ANO10: variants seen among roughly 807,000 people sequenced by gnomAD.
ANO10 encodes anoctamin-10.
Under a neutral mutation model 74.7 loss-of-function variants are expected in ANO10, and 77 were observed. The ratio of observed to expected loss-of-function variants is 1.03; its 90% confidence interval spans 0.86 to 1.25. The LOEUF (loss-of-function observed/expected upper bound fraction) is 1.25. ANO10 is among the 50% of genes most tolerant of loss of function. The pLI, the probability that ANO10 is intolerant of heterozygous loss-of-function variation, is 0.00. For synonymous variants in ANO10, 279 were observed against 284.9 expected, an observed-to-expected ratio of 0.98 and a Z score of 0.21; for missense variants, 721 against 778.1, an observed-to-expected ratio of 0.93 and a Z score of 0.87.
intron 12 of ANO10, among the ~76,000 whole-genome samples, chr3:43,369,955 T>C (rs1160595414): frequency 6.6e-6 from 1 of 152,202 alleles, no homozygotes; most frequent in South Asian, 2.1e-4. Context: ...GAGCCACAGA[T>C]ACTCATTACC....
intron 11 of ANO10, among the ~76,000 whole-genome samples, chr3:43,483,992 A>T (rs769267237): frequency 1.3e-5 from 2 of 152,170 alleles, no homozygotes; most frequent in Non-Finnish European, 2.9e-5. Flanking sequence ...GCTGGAGTGC[A>T]GTGGTGCAAT....
intron 11 of ANO10, among the ~76,000 whole-genome samples, chr3:43,525,745 T>G (rs78674307): frequency 0.033 from 4,997 of 152,332 alleles, 111 homozygotes; most frequent in Non-Finnish European, 0.049. Flanking sequence ...AGCTGATGCA[T>G]TTTCAAAGAG....
Position 43,366,687 on chromosome 3 carries a change from G to A in ANO10, c.*219C>T. 1.6e-6 allele frequency: 1 copy of A among 613,132 alleles called. No individual in the cohort carries two copies. Among genetic ancestry groups the A allele is most frequent in the Non-Finnish European group, 2.9e-6 (1 of 341,844 alleles). The allele number at this position is 613,132 out of a possible 1,614,324, so 38.0% of individuals were successfully genotyped here. A position where few individuals can be genotyped will look rare whatever the true frequency, so the allele number is the denominator to read the frequency against. ...TGGGGCCCGGGAAGGAACTGGGAAG[G>A]AGCAGACAGGGTGGGGCTGGGGGAA... is the stretch of plus-strand genomic sequence containing the variant. On this transcript the variant is annotated 3_prime_UTR_variant, in exon 13 of 13. Transcript: ENST00000292246.
intron 12 of ANO10, among the ~76,000 whole-genome samples, chr3:43,408,035 G>A (rs1227719328): frequency 6.6e-6 from 1 of 152,188 alleles, no homozygotes; most frequent in African/African-American, 2.4e-5. Flanking sequence ...AACTGGAGTG[G>A]AGAGAAGAGA....
At chr3:43,486,416 A>G (rs1260286116) in intron 11 of ANO10, among the ~76,000 whole-genome samples, 1 of 151,242 alleles carries the variant, frequency 6.6e-6, no homozygotes, top group Non-Finnish European at 1.5e-5. Context: ...CATTTTCACA[A>G]TATTGATTCT....
At chr3:43,609,097 A>G (rs2082692930) in intron 1 of ANO10, among the ~76,000 whole-genome samples, 1 of 151,826 alleles carries the variant, frequency 6.6e-6, no homozygotes, top group Non-Finnish European at 1.5e-5. Context: ...TAATCTTCCT[A>G]AAGTCCTATA....
At chr3:43,434,378 T>A (rs956873340) in intron 11 of ANO10, among the ~76,000 whole-genome samples, 1 of 152,220 alleles carries the variant, frequency 6.6e-6, no homozygotes, top group South Asian at 2.1e-4. Context: ...AAAGAATACA[T>A]GAATAATTCA....
intron 11 of ANO10, among the ~76,000 whole-genome samples, chr3:43,516,594 A>G (rs1459429740): frequency 2.6e-5 from 4 of 152,206 alleles, no homozygotes; most frequent in African/African-American, 9.6e-5. Flanking sequence ...CTTCACACAT[A>G]TTAGACTGGA....
At position 43,690,730 on chromosome 3, in the gene ANO10, C is replaced by G. The variant is rs2084349995; in HGVS notation, c.-12+787G>C. 1.2e-5 allele frequency: 5 copies of G among 418,058 alleles called. No homozygotes were observed. In the South Asian group the frequency reaches 3.4e-4, roughly 28 times the overall value. 25.9% of individuals were successfully genotyped at this position (418,058 alleles called of 1,614,324 possible). A position where few individuals can be genotyped will look rare whatever the true frequency, so the allele number is the denominator to read the frequency against. ...ATTCGGGTGAGTCTCGCCAGTCCCT[C>G]TGGGCTGACTGTCCCGCCCCGCGCT... On this transcript the variant is annotated intron_variant, in intron 1 of 3. Coordinates refer to the ANO10 transcript ENST00000413397.
intron 12 of ANO10, among the ~76,000 whole-genome samples, chr3:43,409,570 A>C (rs1318430659): frequency 1.3e-5 from 2 of 152,142 alleles, no homozygotes; most frequent in Non-Finnish European, 2.9e-5. Context: ...AAAAGAAACA[A>C]GAAACAAAAG....
rs2091407675 is a variant in ANO10 at position 43,366,267 on chromosome 3, C to T, written c.*639G>A. The stretch of plus-strand genomic sequence containing the variant: ...ACCCTGGGCTCCTGATCTCACCGCT[C>T]CACCTTCAGTGACCTCACCAAGTGC... On this transcript the variant is annotated 3_prime_UTR_variant, in exon 13 of 13. Coordinates refer to ENST00000292246, the MANE Select transcript of ANO10 (RefSeq NM_018075.5). The T allele has an allele frequency of 1.3e-5, 2 of 157,614 alleles. No homozygotes were observed. Among genetic ancestry groups the T allele is most frequent in the South Asian group, 1.9e-4 (1 of 5,326 alleles). 9.8% of individuals were successfully genotyped at this position (157,614 alleles called of 1,614,324 possible). A position where few individuals can be genotyped will look rare whatever the true frequency, so the allele number is the denominator to read the frequency against.
intron 11 of ANO10, among the ~76,000 whole-genome samples, chr3:43,524,400 C>T (rs576865002): frequency 9.1e-5 from 6 of 65,718 alleles, no homozygotes; most frequent in African/African-American, 2.3e-4. Context: ...ATCCTGAGAG[C>T]TGTCTATAAG....
At chr3:43,428,992 T>C (rs2092941570) in intron 12 of ANO10, among the ~76,000 whole-genome samples, 1 of 152,112 alleles carries the variant, frequency 6.6e-6, no homozygotes, top group Non-Finnish European at 1.5e-5. Context: ...GGTCAGTGTT[T>C]CATTTCTCAA....
At chr3:43,475,325 T>C (rs1161038737) in intron 11 of ANO10, among the ~76,000 whole-genome samples, 1 of 152,192 alleles carries the variant, frequency 6.6e-6, no homozygotes, top group Non-Finnish European at 1.5e-5. Context: ...GTTTCTCTCT[T>C]TGGTGTCATT....
chr3:43,381,657 T>A (rs1384822416), intron 12 of ANO10, among the ~76,000 whole-genome samples: 2 of 152,146 alleles, frequency 1.3e-5, no homozygotes, highest in African/African-American at 4.8e-5. Context: ...ACTAGACAGG[T>A]CATTAAGACA....
At chr3:43,476,552 C>T (rs1019254126) in intron 11 of ANO10, among the ~76,000 whole-genome samples, 1 of 152,184 alleles carries the variant, frequency 6.6e-6, no homozygotes, top group South Asian at 2.1e-4. Flanking sequence ...CTTCTCAACA[C>T]CTGTAGAATG....
intron 1 of ANO10, among the ~76,000 whole-genome samples, chr3:43,647,616 C>G (rs765632567): frequency 6.6e-6 from 1 of 152,168 alleles, no homozygotes; most frequent in Non-Finnish European, 1.5e-5. Context: ...TCTGGATATC[C>G]TTTAACCCAG....
chr3:43,602,598 AGT>A (rs1430543366), intron 2 of ANO10, among the ~76,000 whole-genome samples: 1 of 152,224 alleles, frequency 6.6e-6, no homozygotes, highest in Non-Finnish European at 1.5e-5. Flanking sequence ...GGCCTCCCAA[AGT>A]GCTGGGATTA....
intron 1 of ANO10, among the ~76,000 whole-genome samples, chr3:43,621,288 T>C (rs962236691): frequency 2.0e-5 from 3 of 152,096 alleles, no homozygotes; most frequent in African/African-American, 7.2e-5. Flanking sequence ...TTCTCAGGTG[T>C]CCCAGGCACT....
Sources: gnomAD v4.1 joint callset for allele counts (sites outside exome capture counted in the v4.1 genomes callset) on GRCh38, gnomAD v4.1.1 for gene constraint, MANE v1.5 for transcripts, NCBI Gene and HGNC (gene_info 2026-07-23, HGNC 2026-07-21) for gene names.